The following RAPGEF4 variants were observed in gnomAD, a reference collection of about 807,000 sequenced individuals.
RAPGEF4 encodes the protein RAP guanine-nucleotide-exchange factor (GEF) 4.
Under a neutral mutation model 147.9 loss-of-function variants are expected in RAPGEF4, and 66 were observed. The ratio of observed to expected loss-of-function variants is 0.45; its 90% CI spans 0.37 to 0.55. RAPGEF4 has a LOEUF of 0.55. RAPGEF4 is among the 20% of genes least tolerant of loss of function. RAPGEF4 has a pLI of 0.00. For missense variants in RAPGEF4, 1,071 were observed against 1,257.3 expected, an observed-to-expected ratio of 0.85 and a Z score of 2.24; for synonymous variants, 419 against 442.7, an observed-to-expected ratio of 0.95 and a Z score of 0.67.
intron 6 of RAPGEF4, among the ~76,000 whole-genome samples, chr2:172,935,889 A>G (rs1360432373): frequency 6.6e-6 from 1 of 152,176 alleles, no homozygotes; most frequent in South Asian, 2.1e-4. Flanking sequence ...TTTAATCTAC[A>G]TTTTTAAGTC....
chr2:172,809,806 A>G (rs1429239176), intron 3 of RAPGEF4, among the ~76,000 whole-genome samples: 1 of 152,168 alleles, frequency 6.6e-6, no homozygotes, highest in Non-Finnish European at 1.5e-5. Context: ...GTGCTGGTAT[A>G]ACAGGAATGA....
At chr2:172,948,231 T>G (rs1350952380) in intron 6 of RAPGEF4, among the ~76,000 whole-genome samples, 1 of 152,214 alleles carries the variant, frequency 6.6e-6, no homozygotes, top group African/African-American at 2.4e-5. Context: ...AGTGAATGTA[T>G]GTACAATATT....
At chr2:173,025,552 C>T (rs1696580703) in intron 23 of RAPGEF4, among the ~76,000 whole-genome samples, 1 of 152,214 alleles carries the variant, frequency 6.6e-6, no homozygotes, top group Admixed American at 6.5e-5. Flanking sequence ...AAGCGATTCT[C>T]CTGCCTCAGC....
At chr2:172,736,257 C>T (rs76690140) in intron 1 of RAPGEF4, 5,085 of 355,674 alleles carry the variant, frequency 0.014, 268 homozygotes, top group African/African-American at 0.1. Flanking sequence ...GAGATTATTA[C>T]ACGTGGTGGA....
chr2:172,906,221 G>C (rs1699613689), intron 4 of RAPGEF4, among the ~76,000 whole-genome samples: 1 of 152,162 alleles, frequency 6.6e-6, no homozygotes, highest in African/African-American at 2.4e-5. Flanking sequence ...CAGATGACCT[G>C]TTCTTTGTCA....
chr2:172,779,003 A>G (rs995538903), intron 1 of RAPGEF4, among the ~76,000 whole-genome samples: 1 of 152,238 alleles, frequency 6.6e-6, no homozygotes, highest in African/African-American at 2.4e-5. Flanking sequence ...TTAACAAAAA[A>G]GTAATTTAAT....
chr2:172,969,381 A>G (rs1351652898), intron 10 of RAPGEF4, among the ~76,000 whole-genome samples: 1 of 152,260 alleles, frequency 6.6e-6, no homozygotes, highest in Admixed American at 6.5e-5. Flanking sequence ...GCTGCATTAC[A>G]TGCTATGGAG....
chr2:172,761,311 G>A (rs555897342), intron 1 of RAPGEF4, among the ~76,000 whole-genome samples: 1 of 151,956 alleles, frequency 6.6e-6, no homozygotes, highest in South Asian at 2.1e-4. Context: ...TTTTAGTACA[G>A]ACAAGGTTTC....
upstream of RAPGEF4, among the ~76,000 whole-genome samples, chr2:172,735,626 A>C (rs115317121): frequency 0.26 from 39,079 of 151,672 alleles, 5,353 homozygotes; most frequent in South Asian, 0.29. Flanking sequence ...GACGCAGCGG[A>C]CACCTGTCGC....
chr2:172,984,858 T>C (rs1164166243), intron 11 of RAPGEF4, among the ~76,000 whole-genome samples: 1 of 152,168 alleles, frequency 6.6e-6, no homozygotes, highest in Non-Finnish European at 1.5e-5. Context: ...TAGAAAAATC[T>C]CAAGTTACTG....
At chr2:172,823,874 A>G (rs1689375675) in intron 4 of RAPGEF4, among the ~76,000 whole-genome samples, 4 of 152,166 alleles carry the variant, frequency 2.6e-5, no homozygotes, top group Non-Finnish European at 5.9e-5. Context: ...GTTTAACCCA[A>G]CTTTGCTGGA....
chr2:172,842,251 A>G (rs1192572605), intron 4 of RAPGEF4, among the ~76,000 whole-genome samples: 1 of 152,200 alleles, frequency 6.6e-6, no homozygotes, highest in Non-Finnish European at 1.5e-5. Flanking sequence ...CAAGCTAGAA[A>G]GAGAGACAAA....
At chr2:172,847,887 G>A (rs1692377813) in intron 4 of RAPGEF4, among the ~76,000 whole-genome samples, 1 of 152,050 alleles carries the variant, frequency 6.6e-6, no homozygotes, top group South Asian at 2.1e-4. Flanking sequence ...TATTTTCATG[G>A]TTATTGATTG....
chr2:172,861,124 A>G (rs918220954), intron 4 of RAPGEF4, among the ~76,000 whole-genome samples: 3 of 152,234 alleles, frequency 2.0e-5, no homozygotes, highest in Non-Finnish European at 4.4e-5. Context: ...CCGTTAGAAC[A>G]GGGCTTAAAG....
chr2:173,021,727 C>G (rs1218985416), intron 23 of RAPGEF4, among the ~76,000 whole-genome samples: 1 of 152,188 alleles, frequency 6.6e-6, no homozygotes, highest in Non-Finnish European at 1.5e-5. Context: ...TATCAAGATT[C>G]TCTTCCTTGG....
rs561911846 is a variant in RAPGEF4, at chr2:172,910,251, A to G, written c.445-7551A>G. On this transcript the variant is annotated intron_variant, in intron 4 of 30. Coordinates refer to ENST00000397081, the MANE Select transcript of RAPGEF4 (RefSeq NM_007023.4). ...GAAAACCTAGAATCCTTATGCCCCA[A>G]TCCTCTCCAATAACCTCTAGACAGT... is the stretch of plus-strand genomic sequence containing the variant. 1.4e-4 allele frequency among the ~76,000 whole-genome samples: 21 copies of G among 152,256 alleles called. 1 individual carries two copies. In the South Asian group the frequency reaches 3.9e-3, roughly 29 times the overall value.
intron 6 of RAPGEF4, among the ~76,000 whole-genome samples, chr2:172,951,554 G>A (rs1472935310): frequency 6.6e-6 from 1 of 152,198 alleles, no homozygotes; most frequent in Non-Finnish European, 1.5e-5. Context: ...CAGATATGGG[G>A]CAGGGATACG....
intron 1 of RAPGEF4, among the ~76,000 whole-genome samples, chr2:172,736,530 C>G (rs1693790330): frequency 6.6e-6 from 1 of 152,096 alleles, no homozygotes. Context: ...CTGTCGAATC[C>G]CTTGCTGAAA....
At position 172,775,913 on chromosome 2, in the gene RAPGEF4, C is replaced by T. The variant is rs547493275; in HGVS notation, c.66-19112C>T. 2.0e-5 allele frequency among the ~76,000 whole-genome samples: 3 copies of T among 152,100 alleles called. No individual in the cohort carries two copies. In the South Asian group the frequency reaches 6.2e-4, roughly 32 times the overall value. ...TACTAATACTCTTTAGCTATAGGAC[C>T]CTATTACTACTATATAATCTTTAGT... On this transcript the variant is annotated intron_variant, in intron 1 of 30. Coordinates refer to ENST00000397081, the MANE Select transcript of RAPGEF4 (RefSeq NM_007023.4).
Sources: gnomAD v4.1 joint callset for allele counts (sites outside exome capture counted in the v4.1 genomes callset) on GRCh38, gnomAD v4.1.1 for gene constraint, MANE v1.5 for transcripts, NCBI Gene and HGNC (gene_info 2026-07-23, HGNC 2026-07-21) for gene names.